PLA2G6: variants seen among roughly 807,000 people sequenced by gnomAD.
PLA2G6 encodes 85/88 kDa calcium-independent phospholipase A2.
PLA2G6 carries 62 observed loss-of-function variants against 83.8 expected under a neutral mutation model. That is an observed-to-expected ratio of 0.74 (90% CI 0.60 to 0.91). The LOEUF is 0.91. PLA2G6 is among the 40% of genes least tolerant of loss of function. The pLI is 0.00. For missense variants in PLA2G6, 944 were observed against 1,102.0 expected (o/e 0.86, Z 2.03); for synonymous variants, 417 against 449.8 (o/e 0.93, Z 0.92).
intron 1 of PLA2G6, among the ~76,000 whole-genome samples, chr22:38,173,997 G>A (rs1004893495): frequency 6.6e-6 from 1 of 152,010 alleles, no homozygotes; most frequent in Non-Finnish European, 1.5e-5. Context: ...AGACTGCAGT[G>A]AGCCAAGATT....
chr22:38,160,415 C>G (rs115040454), intron 2 of PLA2G6, among the ~76,000 whole-genome samples: 1 of 147,954 alleles, frequency 6.8e-6, no homozygotes, highest in Admixed American at 6.9e-5. Context: ...AGAAATAACC[C>G]AAATTTTCAT....
chr22:38,131,338 T>C (rs954611036), intron 7 of PLA2G6: 1 of 152,170 alleles, frequency 6.6e-6, no homozygotes, highest in Non-Finnish European at 1.5e-5. Context: ...TTTAAGTTTT[T>C]TAAAAAATTT....
intron 6 of PLA2G6, chr22:38,134,787 G>A (rs919564126): frequency 1.5e-5 from 9 of 586,628 alleles, no homozygotes; most frequent in East Asian, 1.4e-4. Context: ...GGCACAGGGC[G>A]GATCCCCCCG....
At chr22:38,159,806 T>C (rs1324964654) in intron 2 of PLA2G6, among the ~76,000 whole-genome samples, 26 of 151,560 alleles carry the variant, frequency 1.7e-4, no homozygotes. Flanking sequence ...AAGGAATGCT[T>C]CTCAAAGCTT....
Position 38,169,418 on chromosome 22 carries a change from G to T in PLA2G6, c.9C>A (p.Phe3Leu). ...TGAAGGTATTGACCAGGCGGCCAAA[G>T]AACTGCATCTTCTGCGGGGCAGGTG... MQ[F>L]FGRLVNTFSG... is the part of the protein sequence containing the mutation. Residue 3 changes from phenylalanine (F) to leucine (L), a missense_variant, in exon 2 of 17, where the codon TTC (phenylalanine) becomes TTA (leucine). Physicochemically the swap from Phe to Leu is conservative, Grantham distance 22 (BLOSUM62 0). Coordinates refer to ENST00000332509, the MANE Select transcript of PLA2G6 (RefSeq NM_003560.4). 3.7e-6 allele frequency: 6 copies of T among 1,614,128 alleles called. No individual in the cohort carries two copies. Among genetic ancestry groups the T allele is most frequent in the Non-Finnish European group, 4.2e-6 (5 of 1,179,980 alleles).
chr22:38,165,294 AACAG>A (rs1033144129), intron 2 of PLA2G6, among the ~76,000 whole-genome samples: 1 of 152,164 alleles, frequency 6.6e-6, no homozygotes, highest in African/African-American at 2.4e-5. Context: ...TCATGAACCC[AACAG>A]ACACAGTCCC....
chr22:38,144,074 A>T (rs1369233803), intron 3 of PLA2G6: 3 of 163,574 alleles, frequency 1.8e-5, no homozygotes, highest in African/African-American at 7.2e-5. Flanking sequence ...TGGGCCTGGG[A>T]GCTTAACTGA....
At chr22:38,172,071 G>C (rs1408488417) in intron 1 of PLA2G6, among the ~76,000 whole-genome samples, 1 of 152,114 alleles carries the variant, frequency 6.6e-6, no homozygotes, top group African/African-American at 2.4e-5. Context: ...TGTTACAACT[G>C]CCCCTCCTGC....
intron 4 of PLA2G6, chr22:38,140,969 G>C (rs966033530): frequency 1.3e-5 from 2 of 152,390 alleles, no homozygotes; most frequent in African/African-American, 4.8e-5. Context: ...GAGGCAGGCG[G>C]ATCACAAGGT....
Position 38,132,793 on chromosome 22 carries a change from G to T in PLA2G6, c.1077+38C>A. The stretch of plus-strand genomic sequence containing the variant: ...CGGACAGCCCTCCTGCATTCCCACC[G>T]GGGCCCCACAGGGCAGGACACGCGG... On this transcript the variant is annotated intron_variant, in intron 7 of 16. Coordinates refer to ENST00000332509, the MANE Select transcript of PLA2G6 (RefSeq NM_003560.4). This position sits in a 1 kb window ranked among gnomAD's most constrained non-coding sequence, Gnocchi z 5.0. The T allele has an allele frequency of 6.6e-7, 1 of 1,524,698 alleles. No homozygotes were observed. The highest frequency in any genetic ancestry group is 8.8e-7 in the Non-Finnish European group (1 of 1,135,590). The allele number at this position is 1,524,698 out of a possible 1,614,324, so 94.4% of individuals were successfully genotyped here.
chr22:38,116,455 A>T (rs929363127), intron 12 of PLA2G6: 5 of 673,600 alleles, frequency 7.4e-6, no homozygotes, highest in Non-Finnish European at 1.4e-5. Flanking sequence ...TGAAAGGCTA[A>T]TCCAATGGAA....
intron 12 of PLA2G6, among the ~76,000 whole-genome samples, chr22:38,119,950 AC>A (rs1369436286): frequency 6.6e-6 from 1 of 151,650 alleles, no homozygotes; most frequent in Admixed American, 6.6e-5. Context: ...ACCTAGAAAC[AC>A]CACAGAGCAG....
intron 2 of PLA2G6, among the ~76,000 whole-genome samples, chr22:38,165,904 TAAAAG>T (rs1240699687): frequency 6.6e-6 from 1 of 151,494 alleles, no homozygotes; most frequent in Non-Finnish European, 1.5e-5. Flanking sequence ...AAAATAAAAA[TAAAAG>T]AAAACAGGAA....
In PLA2G6 at chr22:38,112,270, T is replaced by C. The variant is rs2086907470; in HGVS notation, c.2312A>G (p.Asp771Gly). 5 of 1,613,652 alleles carry C rather than the reference T, an allele frequency of 3.1e-6. No individual in the cohort carries two copies. The highest frequency in any genetic ancestry group is 4.2e-6 in the Non-Finnish European group (5 of 1,179,878). Residue 771 changes from aspartate (D) to glycine (G), a missense_variant, in exon 17 of 17, where the codon GAT (aspartate) becomes GGT (glycine). By Grantham distance (94) the Asp-to-Gly change is moderately conservative (BLOSUM62 -1). Transcript: ENST00000332509. ...GACCAGCACTGTGTCACTGACCTCATCCAGCATGATGTCCGTCCCCAGCTG... is the reference window on the plus strand; with the variant it reads ...GACCAGCACTGTGTCACTGACCTCACCCAGCATGATGTCCGTCCCCAGCTG... ...NPQLGTDIML[D>G]EVSDTVLVNA...
At chr22:38,181,567 C>G (rs534115607) in intron 1 of PLA2G6, 97 bp downstream of exon 1, 1 of 152,282 alleles carries the variant, frequency 6.6e-6, no homozygotes, top group South Asian at 2.0e-4. Flanking sequence ...AGATGAGACA[C>G]GGGCGGTCTC....
At chr22:38,177,622 T>A (rs133023) in intron 1 of PLA2G6, among the ~76,000 whole-genome samples, 1 of 151,472 alleles carries the variant, frequency 6.6e-6, no homozygotes, top group Admixed American at 6.6e-5. Context: ...ACCACCACAC[T>A]CGGCTAATTT....
At chr22:38,127,776 C>G (rs2087956292) in intron 9 of PLA2G6, among the ~76,000 whole-genome samples, 3 of 152,214 alleles carry the variant, frequency 2.0e-5, no homozygotes, top group African/African-American at 7.2e-5. Context: ...TGCACCGGGG[C>G]AGATGCTGGC....
intron 5 of PLA2G6, chr22:38,138,216 G>C (rs1052394862): frequency 6.6e-6 from 1 of 152,598 alleles, no homozygotes; most frequent in Non-Finnish European, 1.5e-5. Flanking sequence ...GTAGAGAAGA[G>C]CATCACCTGG....
At chr22:38,145,032 CTTTTTTTTTTTT>C (rs968832533) in intron 3 of PLA2G6, 5 of 192,672 alleles carry the variant, frequency 2.6e-5, no homozygotes, top group Non-Finnish European at 4.1e-5. Context: ...AACGCAGCAC[CTTTTTTTTTTTT>C]TTTTTTTTTT....
Sources: gnomAD v4.1 joint callset for allele counts (sites outside exome capture counted in the v4.1 genomes callset) on GRCh38, gnomAD v4.1.1 for gene constraint, Gnocchi (gnomAD v3.1) non-coding constraint, MANE v1.5 for transcripts, NCBI Gene and HGNC (gene_info 2026-07-23, HGNC 2026-07-21) for gene names.